Variants in SUCLG2 observed in about 807,000 individuals in gnomAD.
SUCLG2 encodes succinate-CoA ligase GDP-forming subunit beta.
SUCLG2 carries 42 observed loss-of-function variants against 47.9 expected under a neutral mutation model. The observed-to-expected ratio is 0.88, with a 90% CI of 0.69 to 1.14. The LOEUF (loss-of-function observed/expected upper bound fraction) is 1.14. Ranked by LOEUF, SUCLG2 falls within the 50% of genes most tolerant of loss-of-function variation. The pLI is 0.00. For missense variants in SUCLG2, 571 were observed against 525.9 expected (o/e 1.09, Z -0.84); for synonymous variants, 195 against 197.3 (o/e 0.99, Z 0.10).
chr3:67,442,042 G>C lies in SUCLG2; in HGVS notation c.1063-41191C>G, dbSNP rs1290034271. On this transcript the variant is annotated intron_variant, in intron 9 of 10. Coordinates refer to ENST00000307227, the MANE Select transcript of SUCLG2 (RefSeq NM_003848.4). ...TTTTTTTTTTTTGAGACGAAGTCTCGCTCTGTCGCCCAGGCTGGAGTGCAG... is the reference window on the plus strand; with the variant it reads ...TTTTTTTTTTTTGAGACGAAGTCTCCCTCTGTCGCCCAGGCTGGAGTGCAG... Among the ~76,000 whole-genome samples, 5 of 138,690 alleles carry C rather than the reference G, an allele frequency of 3.6e-5. No homozygotes were observed. The Admixed American group carries it at 3.9e-4, about 11-fold the overall frequency. 91.0% of individuals were successfully genotyped at this position (138,690 alleles called of 152,430 possible). A position where few individuals can be genotyped will look rare whatever the true frequency, so the allele number is the denominator to read the frequency against.
intron 10 of SUCLG2, among the ~76,000 whole-genome samples, chr3:67,397,380 C>A (rs1245345427): frequency 4.5e-4 from 69 of 151,926 alleles, no homozygotes; most frequent in Middle Eastern, 3.4e-3. Context: ...ACACCAATAA[C>A]AGACAGAGAG....
intron 2 of SUCLG2, among the ~76,000 whole-genome samples, chr3:67,547,699 AT>A (rs1234085015): frequency 6.7e-6 from 1 of 148,418 alleles, no homozygotes. Context: ...TCCTAGCCTT[AT>A]GCAAAGGGAA....
chr3:67,398,328 A>G (rs1702598192), intron 10 of SUCLG2, among the ~76,000 whole-genome samples: 1 of 151,156 alleles, frequency 6.6e-6, no homozygotes, highest in Admixed American at 6.6e-5. Context: ...TTACAAGAAA[A>G]AAACAAACAA....
chr3:67,472,152 C>A lies in SUCLG2; in HGVS notation c.1062+23646G>T, dbSNP rs1463211708. ...ATAAAATGAGTCCAATAGGAACAAGCAAACAACTTCTTTCTTGGACTCTAA... is the reference window on the plus strand; with the variant it reads ...ATAAAATGAGTCCAATAGGAACAAGAAAACAACTTCTTTCTTGGACTCTAA... On this transcript the variant is annotated intron_variant, in intron 9 of 10. Transcript: ENST00000307227. 7.2e-5 allele frequency among the ~76,000 whole-genome samples: 11 copies of A among 152,166 alleles called. No homozygotes were observed. In the South Asian group the frequency reaches 1.0e-3, roughly 14 times the overall value.
At chr3:67,477,986 A>G (rs551150149) in intron 9 of SUCLG2, among the ~76,000 whole-genome samples, 1 of 152,308 alleles carries the variant, frequency 6.6e-6, no homozygotes, top group Admixed American at 6.5e-5. Context: ...AATCACAACA[A>G]ACCTACGATA....
chr3:67,365,788 T>C (rs1701866281), intron 10 of SUCLG2, among the ~76,000 whole-genome samples: 1 of 152,320 alleles, frequency 6.6e-6, no homozygotes, highest in African/African-American at 2.4e-5. Context: ...ATTTTTAAAC[T>C]TTTTTGTGAG....
In SUCLG2 at chr3:67,375,788, C is replaced by G. The variant is rs541025868; in HGVS notation, c.1255G>C (p.Glu419Gln). ...GLPITSAIDL[E>Q]DAAKKAVASV... ...GCCACAGCCTTCTTGGCTGCATCCT[C>G]CAGGTCAATGGCTGAAGTAATGGGG... is the stretch of plus-strand genomic sequence containing the variant. Residue 419 changes from glutamate (E) to glutamine (Q), a missense_variant, in exon 11 of 11, where the codon GAG becomes CAG. By Grantham distance (29) the Glu-to-Gln change is conservative. Transcript: ENST00000307227. The G allele has an allele frequency of 4.8e-5, 77 of 1,613,914 alleles. No individual in the cohort carries two copies. The highest frequency in any genetic ancestry group is 1.5e-4 in the Admixed American group (9 of 59,990).
intron 6 of SUCLG2, among the ~76,000 whole-genome samples, chr3:67,512,675 T>C (rs1190568314): frequency 6.6e-6 from 1 of 151,104 alleles, no homozygotes; most frequent in Non-Finnish European, 1.5e-5. Flanking sequence ...ACCATTTTTG[T>C]CTACACAGTT....
chr3:67,630,032 T>C (rs573287117), intron 1 of SUCLG2, among the ~76,000 whole-genome samples: 24 of 152,254 alleles, frequency 1.6e-4, no homozygotes, highest in Admixed American at 4.6e-4. Context: ...GAAATGCATA[T>C]TGAGCTTATA....
chr3:67,401,252 C>T (rs76824822), intron 9 of SUCLG2, among the ~76,000 whole-genome samples: 9,127 of 151,850 alleles, frequency 0.06, 349 homozygotes, highest in Non-Finnish European at 0.084. Context: ...GTCATGGTGC[C>T]TCACACAATA....
At chr3:67,542,785 T>C (rs1425056195) in intron 2 of SUCLG2, among the ~76,000 whole-genome samples, 1 of 152,158 alleles carries the variant, frequency 6.6e-6, no homozygotes, top group Non-Finnish European at 1.5e-5. Flanking sequence ...ATCCTCAATA[T>C]ATATGCACCC....
At chr3:67,543,091 C>CA (rs1320623902) in intron 2 of SUCLG2, among the ~76,000 whole-genome samples, 2 of 152,190 alleles carry the variant, frequency 1.3e-5, no homozygotes, top group Admixed American at 6.5e-5. Context: ...TCAGCAAATG[C>CA]AAAAGAATGG....
intron 9 of SUCLG2, among the ~76,000 whole-genome samples, chr3:67,405,144 T>C (rs566914126): frequency 2.0e-5 from 3 of 152,158 alleles, no homozygotes; most frequent in Admixed American, 6.5e-5. Flanking sequence ...AATGAGGCAG[T>C]TGAAGTGCCA....
intron 10 of SUCLG2, among the ~76,000 whole-genome samples, chr3:67,380,647 A>T (rs13064490): frequency 2.4e-4 from 37 of 151,654 alleles, no homozygotes; most frequent in Non-Finnish European, 4.0e-4. Context: ...CAGAGCCATC[A>T]TGACCAGGTA....
intron 2 of SUCLG2, among the ~76,000 whole-genome samples, chr3:67,586,380 T>G (rs1040620077): frequency 1.3e-5 from 2 of 152,188 alleles, no homozygotes; most frequent in South Asian, 4.1e-4. Context: ...GGACAAAATT[T>G]TCTTTTTGCA....
chr3:67,570,971 C>T (rs1707592414), intron 2 of SUCLG2, among the ~76,000 whole-genome samples: 1 of 152,158 alleles, frequency 6.6e-6, no homozygotes. Flanking sequence ...TAAAGACAGT[C>T]TTGGAGACTG....
intron 10 of SUCLG2, 118 bp from the exon 11 acceptor site, chr3:67,375,977 T>C: frequency 7.0e-7 from 1 of 1,433,066 alleles, no homozygotes; most frequent in Non-Finnish European, 9.2e-7. Context: ...ATGAATTAAA[T>C]ATAGGTTCTC....
chr3:67,636,318 CAA>C (rs1701009089), intron 1 of SUCLG2, among the ~76,000 whole-genome samples: 2 of 149,670 alleles, frequency 1.3e-5, no homozygotes, highest in African/African-American at 4.9e-5. Context: ...GATTCTCATT[CAA>C]AGAGGTAGGA....
At chr3:67,401,575 C>CAAA (rs5849753) in intron 9 of SUCLG2, among the ~76,000 whole-genome samples, 7,625 of 121,362 alleles carry the variant, frequency 0.063, 214 homozygotes, top group Middle Eastern at 0.13. Flanking sequence ...GCATGTGGGC[C>CAAA]AAAAAAAAAA....
Sources: gnomAD v4.1 joint callset for allele counts (sites outside exome capture counted in the v4.1 genomes callset) on GRCh38, gnomAD v4.1.1 for gene constraint, MANE v1.5 for transcripts, NCBI Gene and HGNC (gene_info 2026-07-23, HGNC 2026-07-21) for gene names.